LHFPL3: variants seen among roughly 807,000 people sequenced by gnomAD.
The protein encoded by LHFPL3 is LHFPL tetraspan subfamily member 3, also known as LHFPL tetraspan subfamily member 3 protein.
LHFPL3 carries 5 observed loss-of-function variants against 19.3 expected under a neutral mutation model. The ratio of observed to expected loss-of-function variants is 0.26; its 90% CI spans 0.14 to 0.54. The LOEUF (loss-of-function observed/expected upper bound fraction) is 0.54, where lower values mean the gene tolerates loss of function less well. Ranked by LOEUF, LHFPL3 falls within the 20% of genes least tolerant of loss-of-function variation. The probability of loss-of-function intolerance (pLI) is 0.94; values close to 1 mark genes in which losing one functional copy is unlikely to be tolerated. For missense variants in LHFPL3, 249 were observed against 307.4 expected, an observed-to-expected ratio of 0.81 and a Z score of 1.42; for synonymous variants, 133 against 126.2, an observed-to-expected ratio of 1.05 and a Z score of -0.36.
chr7:104,832,878 G>GAGGC (rs1334528033), intron 2 of LHFPL3, among the ~76,000 whole-genome samples: 1 of 143,624 alleles, frequency 7.0e-6, no homozygotes, highest in Non-Finnish European at 1.5e-5. Flanking sequence ...TCAGGGGGCT[G>GAGGC]AGGCAGGAGA....
At chr7:104,471,541 A>G (rs1792905783) in intron 1 of LHFPL3, among the ~76,000 whole-genome samples, 1 of 152,214 alleles carries the variant, frequency 6.6e-6, no homozygotes. Flanking sequence ...CATGGCAAAT[A>G]CCAGGATTCA....
intron 1 of LHFPL3, among the ~76,000 whole-genome samples, chr7:104,372,662 G>GT (rs1176429974): frequency 2.0e-5 from 3 of 152,156 alleles, no homozygotes; most frequent in African/African-American, 7.2e-5. Context: ...GTCTTCATTT[G>GT]TAAAATAGGA....
chr7:104,387,521 A>C (rs556934693), intron 1 of LHFPL3, among the ~76,000 whole-genome samples: 1 of 152,334 alleles, frequency 6.6e-6, no homozygotes, highest in East Asian at 1.9e-4. Flanking sequence ...AAACAAAGAA[A>C]AAAGAATAAA....
At chr7:104,892,402 C>A (rs1314759624) in intron 2 of LHFPL3, among the ~76,000 whole-genome samples, 3 of 152,034 alleles carry the variant, frequency 2.0e-5, no homozygotes, top group Non-Finnish European at 4.4e-5. Flanking sequence ...GACAATTTTT[C>A]TTTTTCAGAG....
At chr7:104,524,292 G>A (rs564397157) in intron 1 of LHFPL3, among the ~76,000 whole-genome samples, 1 of 152,218 alleles carries the variant, frequency 6.6e-6, no homozygotes, top group South Asian at 2.1e-4. Context: ...CCTCCAGAAA[G>A]AGTCAAACTC....
chr7:104,352,098 G>C (rs1790188437), intron 1 of LHFPL3, among the ~76,000 whole-genome samples: 1 of 151,786 alleles, frequency 6.6e-6, no homozygotes, highest in Non-Finnish European at 1.5e-5. Context: ...TCAGGATTTG[G>C]AGGCTGTGGT....
At chr7:104,517,634 A>G (rs1793946623) in intron 1 of LHFPL3, among the ~76,000 whole-genome samples, 1 of 151,372 alleles carries the variant, frequency 6.6e-6, no homozygotes, top group Non-Finnish European at 1.5e-5. Context: ...AGCCTCCTGA[A>G]TAATTGGGCT....
In LHFPL3 at chr7:104,747,715, G is replaced by A. The variant is rs574766849; in HGVS notation, c.682+10804G>A. Among the ~76,000 whole-genome samples, 4 of 152,132 alleles carry A rather than the reference G, an allele frequency of 2.6e-5. No homozygotes were observed. In the East Asian group the frequency reaches 7.7e-4, roughly 29 times the overall value. On this transcript the variant is annotated intron_variant, in intron 2 of 2. Transcript: ENST00000424859. ...TCTGAATTAATCCCTTCCTTCACCA[G>A]CTAATGCACACCCACTAAGTGACAC...
intron 2 of LHFPL3, among the ~76,000 whole-genome samples, chr7:104,762,727 C>T (rs932659743): frequency 6.6e-6 from 1 of 152,182 alleles, no homozygotes; most frequent in Non-Finnish European, 1.5e-5. Flanking sequence ...TTAATCCCCA[C>T]AAATTTGTAT....
chr7:104,771,724 G>C (rs1794554477), intron 2 of LHFPL3, among the ~76,000 whole-genome samples: 1 of 150,730 alleles, frequency 6.6e-6, no homozygotes. Flanking sequence ...ACCCTCTCCA[G>C]TGAAAATAAG....
At chr7:104,860,155 A>G (rs904263623) in intron 2 of LHFPL3, among the ~76,000 whole-genome samples, 17 of 142,566 alleles carry the variant, frequency 1.2e-4, no homozygotes, top group Non-Finnish European at 2.4e-4. Flanking sequence ...CCACCCCCCA[A>G]ATACACACAC....
chr7:104,703,106 G>A (rs1793131867), intron 1 of LHFPL3, among the ~76,000 whole-genome samples: 2 of 152,142 alleles, frequency 1.3e-5, no homozygotes, highest in Non-Finnish European at 1.5e-5. Flanking sequence ...TGTGGTGGTT[G>A]TTATCTTTTT....
Position 104,880,988 on chromosome 7 carries a change from A to G in LHFPL3, c.683-25199A>G, listed in dbSNP as rs184158442. On this transcript the variant is annotated intron_variant, in intron 2 of 2. Transcript: ENST00000424859. Reference sequence around the variant, plus strand: ...GATCAAGACCTTCCTGGCTAACACAATGAAACCCCATCTCTACTGAAAATA... The same window carrying G: ...GATCAAGACCTTCCTGGCTAACACAGTGAAACCCCATCTCTACTGAAAATA... Among the ~76,000 whole-genome samples, 864 of 152,138 alleles carry G rather than the reference A, an allele frequency of 5.7e-3. 4 individuals carry two copies. Among genetic ancestry groups the G allele is most frequent in the Middle Eastern group, 0.01 (3 of 294 alleles).
intron 1 of LHFPL3, among the ~76,000 whole-genome samples, chr7:104,475,432 G>A (rs1414460605): frequency 6.6e-6 from 1 of 152,128 alleles, no homozygotes; most frequent in African/African-American, 2.4e-5. Flanking sequence ...CAGTAGAAAG[G>A]TGGTTACCAG....
intron 1 of LHFPL3, among the ~76,000 whole-genome samples, chr7:104,473,684 T>A (rs1054922251): frequency 5.9e-5 from 9 of 152,094 alleles, no homozygotes; most frequent in African/African-American, 2.2e-4. Flanking sequence ...AATAAAACAG[T>A]CTCTATCTGA....
intron 2 of LHFPL3, among the ~76,000 whole-genome samples, chr7:104,873,215 C>G (rs1791869581): frequency 6.6e-6 from 1 of 152,176 alleles, no homozygotes; most frequent in Admixed American, 6.5e-5. Flanking sequence ...GCTGCTTAAA[C>G]TTTTCAAAAG....
intron 1 of LHFPL3, among the ~76,000 whole-genome samples, chr7:104,570,061 C>T (rs139376569): frequency 6.6e-6 from 1 of 152,202 alleles, no homozygotes; most frequent in East Asian, 1.9e-4. Context: ...TACATCTGCT[C>T]TTACATTTTT....
chr7:104,493,230 G>T (rs1247526422), intron 1 of LHFPL3, among the ~76,000 whole-genome samples: 1 of 152,034 alleles, frequency 6.6e-6, no homozygotes, highest in African/African-American at 2.4e-5. Context: ...CTTAAAATGT[G>T]CTTCCCCTTG....
chr7:104,737,240 G>A (rs1424884158), intron 2 of LHFPL3, among the ~76,000 whole-genome samples: 1 of 151,966 alleles, frequency 6.6e-6, no homozygotes, highest in African/African-American at 2.4e-5. Flanking sequence ...TGTGGGTGGT[G>A]TCTATTTGGT....
Sources: allele counts gnomAD v4.1 joint callset (sites outside exome capture counted in the v4.1 genomes callset), GRCh38; gene constraint gnomAD v4.1.1; transcripts MANE v1.5; gene names NCBI Gene and HGNC (gene_info 2026-07-23, HGNC 2026-07-21).